FSIP1: variants seen among roughly 807,000 people sequenced by gnomAD.
The protein encoded by FSIP1 is fibrous sheath interacting protein 1.
Under a neutral mutation model 60.9 loss-of-function variants are expected in FSIP1, and 65 were observed. The ratio of observed to expected loss-of-function variants is 1.07; its 90% confidence interval spans 0.87 to 1.31. FSIP1 has a LOEUF of 1.31. Among genes scored for constraint, FSIP1 ranks in the 40% most tolerant of loss-of-function variants. The probability of loss-of-function intolerance (pLI) is 0.00; values close to 1 mark genes in which losing one functional copy is unlikely to be tolerated. For synonymous variants in FSIP1, 209 were observed against 221.2 expected, an observed-to-expected ratio of 0.94 and a Z score of 0.49; for missense variants, 675 against 665.5, an observed-to-expected ratio of 1.01 and a Z score of -0.16.
At chr15:39,627,877 G>A (rs1216112137) in intron 10 of FSIP1, among the ~76,000 whole-genome samples, 16 of 152,200 alleles carry the variant, frequency 1.1e-4, no homozygotes, top group Admixed American at 6.5e-5. Flanking sequence ...TCCACACTAA[G>A]ACACAATAAG....
chr15:39,739,839 T>C (rs761984862), intron 6 of FSIP1, 50 bp from the exon 7 acceptor site: 65 of 1,198,792 alleles, frequency 5.4e-5, no homozygotes, highest in Non-Finnish European at 6.8e-5. Context: ...GTGTCAATTA[T>C]GCTAAAAGTT....
intron 10 of FSIP1, among the ~76,000 whole-genome samples, chr15:39,664,388 A>G (rs1457512799): frequency 6.6e-5 from 10 of 152,178 alleles, no homozygotes; most frequent in Non-Finnish European, 1.2e-4. Context: ...TCAGACCTAT[A>G]TAAAATTGGT....
At chr15:39,603,871 A>G (rs1225395117) in intron 11 of FSIP1, among the ~76,000 whole-genome samples, 1 of 152,194 alleles carries the variant, frequency 6.6e-6, no homozygotes, top group African/African-American at 2.4e-5. Flanking sequence ...ACTCTGTAAC[A>G]TGCACACAAA....
intron 10 of FSIP1, among the ~76,000 whole-genome samples, chr15:39,656,246 C>T (rs747245788): frequency 1.3e-5 from 2 of 152,120 alleles, no homozygotes; most frequent in African/African-American, 2.4e-5. Context: ...GCTTTAATAC[C>T]ATGCTTCTCA....
chr15:39,646,520 CAAAAAAAAA>C (rs71132108), intron 10 of FSIP1, among the ~76,000 whole-genome samples: 4 of 27,116 alleles, frequency 1.5e-4, no homozygotes, highest in South Asian at 6.0e-3. Flanking sequence ...CTCATCTCTA[CAAAAAAAAA>C]AAAAAAAAAA....
intron 10 of FSIP1, among the ~76,000 whole-genome samples, chr15:39,676,176 A>AAAG (rs1454951119): frequency 6.6e-6 from 1 of 151,468 alleles, no homozygotes; most frequent in African/African-American, 2.4e-5. Context: ...CCATCTCAAA[A>AAAG]AAAAAAAAAA....
At chr15:39,753,503 C>G (rs1286187715) in intron 5 of FSIP1, among the ~76,000 whole-genome samples, 2 of 152,070 alleles carry the variant, frequency 1.3e-5, no homozygotes, top group East Asian at 3.9e-4. Context: ...TCATTTAAAT[C>G]TGGTACTAAA....
rs183525875 is a variant in FSIP1, at chr15:39,766,643, T to C, written c.311-897A>G. The stretch of plus-strand genomic sequence containing the variant: ...AAGTTCTTAGCCTCTTAGCCACAGA[T>C]AATATTCTCTCCATTTAAATCTGAT... On this transcript the variant is annotated intron_variant, in intron 3 of 11. Coordinates refer to ENST00000350221, the MANE Select transcript of FSIP1 (RefSeq NM_152597.5). Among the ~76,000 whole-genome samples, 260 of 152,332 alleles carry C rather than the reference T, an allele frequency of 1.7e-3. 2 individuals carry two copies. Among genetic ancestry groups the C allele is most frequent in the Middle Eastern group, 3.4e-3 (1 of 294 alleles).
chr15:39,615,816 G>T (rs1360241087), intron 11 of FSIP1, among the ~76,000 whole-genome samples: 1 of 152,038 alleles, frequency 6.6e-6, no homozygotes, highest in African/African-American at 2.4e-5. Context: ...GGGAAAAAGG[G>T]AATGGAGAGT....
intron 9 of FSIP1, among the ~76,000 whole-genome samples, chr15:39,720,899 A>C (rs929880675): frequency 6.6e-6 from 1 of 152,254 alleles, no homozygotes; most frequent in Admixed American, 6.5e-5. Context: ...AATAAAAAGC[A>C]GATGTAAAAA....
At chr15:39,605,287 T>C (rs1255776948) in intron 11 of FSIP1, among the ~76,000 whole-genome samples, 1 of 152,188 alleles carries the variant, frequency 6.6e-6, no homozygotes, top group Admixed American at 6.5e-5. Context: ...CCAGGAACTC[T>C]GATTTCAGCA....
chr15:39,624,505 T>C (rs1285975970), intron 10 of FSIP1, among the ~76,000 whole-genome samples: 3 of 152,338 alleles, frequency 2.0e-5, no homozygotes, highest in Admixed American at 6.5e-5. Context: ...TCACTTGCTA[T>C]AGCTCTTTTG....
intron 10 of FSIP1, among the ~76,000 whole-genome samples, chr15:39,646,395 A>G (rs4583211): frequency 0.22 from 33,199 of 151,376 alleles, 5,005 homozygotes; most frequent in African/African-American, 0.42. Context: ...ATCGACACCC[A>G]AGAGATCTCC....
chr15:39,675,146 T>C (rs545381895), intron 10 of FSIP1, among the ~76,000 whole-genome samples: 16 of 152,298 alleles, frequency 1.1e-4, no homozygotes, highest in African/African-American at 3.8e-4. Flanking sequence ...CTCACATAAT[T>C]GGCAAAAATT....
At chr15:39,680,236 G>A (rs949217231) in intron 10 of FSIP1, among the ~76,000 whole-genome samples, 1 of 152,132 alleles carries the variant, frequency 6.6e-6, no homozygotes, top group Non-Finnish European at 1.5e-5. Flanking sequence ...CAAAAGATGA[G>A]AATATAAACA....
At chr15:39,739,576 A>G in intron 7 of FSIP1, 89 bp downstream of exon 7, 1 of 1,228,592 alleles carries the variant, frequency 8.1e-7, no homozygotes, top group Non-Finnish European at 1.1e-6. Flanking sequence ...GATGGTTGAA[A>G]AATATTTAAA....
chr15:39,758,929 G>C (rs1450574587), intron 5 of FSIP1, among the ~76,000 whole-genome samples: 1 of 151,942 alleles, frequency 6.6e-6, no homozygotes, highest in African/African-American at 2.4e-5. Flanking sequence ...GTGGGGAAAT[G>C]ACAGATTATC....
intron 3 of FSIP1, among the ~76,000 whole-genome samples, chr15:39,768,349 T>A (rs1297968745): frequency 1.3e-5 from 2 of 152,216 alleles, no homozygotes; most frequent in Admixed American, 6.5e-5. Context: ...GCCTTAAAAA[T>A]AGTTTAACTT....
chr15:39,605,757 A>G lies in FSIP1; in HGVS notation c.1700-4831T>C, dbSNP rs149992650. On this transcript the variant is annotated intron_variant, in intron 11 of 11. Coordinates refer to ENST00000350221, the MANE Select transcript of FSIP1 (RefSeq NM_152597.5). ...CCTTTTATGGAAAAATCTCCTGACAATGTTCAATGTTAAACGCCATGTAAG... is the reference window on the plus strand; with the variant it reads ...CCTTTTATGGAAAAATCTCCTGACAGTGTTCAATGTTAAACGCCATGTAAG... Among the ~76,000 whole-genome samples the G allele has an allele frequency of 1.5e-3, 227 of 152,340 alleles. 1 individual carries two copies. The highest frequency in any genetic ancestry group is 5.3e-3 in the African/African-American group (222 of 41,568).
Sources: gnomAD v4.1 joint callset for allele counts (sites outside exome capture counted in the v4.1 genomes callset) on GRCh38, gnomAD v4.1.1 for gene constraint, MANE v1.5 for transcripts, NCBI Gene and HGNC (gene_info 2026-07-23, HGNC 2026-07-21) for gene names.